The following FBF1 variants were observed in gnomAD, a reference collection of about 807,000 sequenced individuals.
FBF1 encodes Fas binding factor 1.
FBF1 carries 119 observed loss-of-function variants against 147.2 expected under a neutral mutation model. That is an observed-to-expected ratio of 0.81 (90% CI 0.70 to 0.94). The LOEUF (loss-of-function observed/expected upper bound fraction) is 0.94. Ranked by LOEUF, FBF1 falls within the 40% of genes least tolerant of loss-of-function variation. The pLI is 0.00. For synonymous variants in FBF1, 601 were observed against 609.0 expected, an observed-to-expected ratio of 0.99 and a Z score of 0.19; for missense variants, 1,449 against 1,500.8, an observed-to-expected ratio of 0.97 and a Z score of 0.57.
rs771144309 is a variant in FBF1, at chr17:75,917,691, C to T, written c.2505+41G>A. On this transcript the variant is annotated intron_variant, in intron 23 of 29. Coordinates refer to ENST00000636174, the MANE Select transcript of FBF1 (RefSeq NM_001319193.2). ...TGCGGGTGCCCTGGAGAAGAGGCCC[C>T]GTGGCAGGAGGGGCAGGAGGGCCAG... The T allele has an allele frequency of 3.0e-5, 46 of 1,520,110 alleles. No individual in the cohort carries two copies. The East Asian group carries it at 6.1e-4, about 20-fold the overall frequency. 94.2% of individuals were successfully genotyped at this position (1,520,110 alleles called of 1,614,324 possible).
At position 75,922,659 on chromosome 17, in the gene FBF1, G is replaced by A. The variant is rs1297740600; in HGVS notation, c.1424+527C>T. Among the ~76,000 whole-genome samples, 1 of 152,056 alleles carries A rather than the reference G, an allele frequency of 6.6e-6. No individual in the cohort carries two copies. The highest frequency in any genetic ancestry group is 1.5e-5 in the Non-Finnish European group (1 of 67,996). ...CTCCCCCAGCCTGCTGGCCCCTTGT[G>A]CCTTCCTGCCTTCAGAGGTCACTCG... On this transcript the variant is annotated intron_variant, in intron 14 of 29. Coordinates refer to ENST00000636174, the MANE Select transcript of FBF1 (RefSeq NM_001319193.2). The surrounding 1 kb of genome is among the most constrained non-coding windows in gnomAD (Gnocchi z 5.0).
intron 2 of FBF1, chr17:75,937,924 A>G: frequency 1.5e-6 from 1 of 654,486 alleles, no homozygotes; most frequent in Non-Finnish European, 2.7e-6. Context: ...AATACCAGTG[A>G]CAGACACTTA....
chr17:75,915,181 T>G (rs768611875), intron 23 of FBF1, 42 bp from the exon 24 acceptor site: 5 of 1,581,712 alleles, frequency 3.2e-6, no homozygotes, highest in Non-Finnish European at 4.3e-6. Context: ...GTTCCCGCCC[T>G]GAGGATCACG....
At chr17:75,927,396 C>G (rs1375642850) in intron 9 of FBF1, 59 bp downstream of exon 9, 2 of 1,479,130 alleles carry the variant, frequency 1.4e-6, no homozygotes, top group Non-Finnish European at 1.8e-6. Flanking sequence ...GCAAGCATGC[C>G]TAGGCTGCTC....
At chr17:75,935,165 C>CA (rs1808572339) in intron 4 of FBF1, among the ~76,000 whole-genome samples, 2 of 148,238 alleles carry the variant, frequency 1.3e-5, no homozygotes, top group African/African-American at 5.1e-5. Context: ...AATTACATCT[C>CA]ATTTTTTTTT....
At chr17:75,911,272 G>A (rs1405290192) in intron 29 of FBF1, among the ~76,000 whole-genome samples, 2 of 152,164 alleles carry the variant, frequency 1.3e-5, no homozygotes, top group Non-Finnish European at 2.9e-5. Flanking sequence ...AAATAAATAA[G>A]TAAAATATAA....
rs533773632 is a variant in FBF1, at chr17:75,921,929, C to T, written c.1526+16G>A. The T allele has an allele frequency of 3.6e-5, 56 of 1,547,416 alleles. No homozygotes were observed. The East Asian group carries it at 1.1e-3, about 30-fold the overall frequency. On this transcript the variant is annotated intron_variant, in intron 15 of 29. Coordinates refer to ENST00000636174, the MANE Select transcript of FBF1 (RefSeq NM_001319193.2). ...ACCATGCTCTCATTCCCACTCAGCC[C>T]GCAGCCCAGGCCTACCCCGAGACAC...
rs118146988 is a variant in FBF1, at chr17:75,910,948, C to T, written c.3364-142G>A. On this transcript the variant is annotated intron_variant, in intron 29 of 29. Coordinates refer to ENST00000636174, the MANE Select transcript of FBF1 (RefSeq NM_001319193.2). The surrounding 1 kb of genome is among the most constrained non-coding windows in gnomAD (Gnocchi z 4.1). ...GCCTGGCTCTGGGAGTCAGCAGGGG[C>T]CATGAAAGAGCCCAGGTATGGAGTG... is the stretch of plus-strand genomic sequence containing the variant. 1,376 of 672,482 alleles carry T rather than the reference C, an allele frequency of 2.0e-3. 23 individuals are homozygous for T. The Admixed American group carries it at 0.024, about 12-fold the overall frequency. 41.7% of individuals were successfully genotyped at this position (672,482 alleles called of 1,614,324 possible).
At chr17:75,929,964 C>CCCCAAGAAAAAAAA in intron 7 of FBF1, 33 bp downstream of exon 7, 1 of 1,402,202 alleles carries the variant, frequency 7.1e-7, no homozygotes, top group Non-Finnish European at 9.9e-7. Context: ...CACCCACCCC[C>CCCCAAGAAAAAAAA]AGTTCTAAGA....
In FBF1 at chr17:75,910,549, C is replaced by T. The variant is rs2065450723; in HGVS notation, c.*174G>A. 5 of 609,856 alleles carry T rather than the reference C, an allele frequency of 8.2e-6. No individual in the cohort carries two copies. The East Asian group carries it at 1.4e-4, about 17-fold the overall frequency. 37.8% of individuals were successfully genotyped at this position (609,856 alleles called of 1,614,324 possible). ...CACAGAGCCCCAGAGGCAGGGGCTGCCCCGGGCTGGCACATTTGGAAAGGA... is the reference window on the plus strand; with the variant it reads ...CACAGAGCCCCAGAGGCAGGGGCTGTCCCGGGCTGGCACATTTGGAAAGGA... On this transcript the variant is annotated 3_prime_UTR_variant, in exon 30 of 30. Coordinates refer to ENST00000636174, the MANE Select transcript of FBF1 (RefSeq NM_001319193.2). This position sits in a 1 kb window ranked among gnomAD's most constrained non-coding sequence, Gnocchi z 4.1.
chr17:75,913,309 C>T (rs1483557023), intron 28 of FBF1, among the ~76,000 whole-genome samples: 4 of 151,680 alleles, frequency 2.6e-5, no homozygotes, highest in African/African-American at 7.3e-5. Flanking sequence ...CCACCACACC[C>T]GGCTAATTTT....
chr17:75,916,156 C>A (rs2144157135), intron 23 of FBF1, among the ~76,000 whole-genome samples: 1 of 143,642 alleles, frequency 7.0e-6, no homozygotes, highest in East Asian at 2.1e-4. Flanking sequence ...CCCGTTTCTA[C>A]AAAAAATACA....
intron 17 of FBF1, among the ~76,000 whole-genome samples, chr17:75,921,020 C>T (rs1300755872): frequency 6.6e-6 from 1 of 152,194 alleles, no homozygotes; most frequent in African/African-American, 2.4e-5. Flanking sequence ...CTTAAACTCC[C>T]CACTGATGTA....
In FBF1 at chr17:75,922,206, C is replaced by T. The variant is rs2065532402; in HGVS notation, c.1425-160G>A. The T allele has an allele frequency of 3.4e-6, 2 of 591,456 alleles. No individual in the cohort carries two copies. Among genetic ancestry groups the T allele is most frequent in the South Asian group, 3.9e-5 (2 of 51,076 alleles). 36.6% of individuals were successfully genotyped at this position (591,456 alleles called of 1,614,324 possible). A position where few individuals can be genotyped will look rare whatever the true frequency, so the allele number is the denominator to read the frequency against. ...GCATTCTCCTCCCACGTCTGAGCTC[C>T]TGGGATTTCTGGGCATCTCTTCCCT... On this transcript the variant is annotated intron_variant, in intron 14 of 29. Coordinates refer to ENST00000636174, the MANE Select transcript of FBF1 (RefSeq NM_001319193.2). The surrounding 1 kb of genome is among the most constrained non-coding windows in gnomAD (Gnocchi z 5.0).
chr17:75,939,649 G>C (rs1316388593), intron 1 of FBF1, among the ~76,000 whole-genome samples: 2 of 152,120 alleles, frequency 1.3e-5, no homozygotes, highest in African/African-American at 4.8e-5. Context: ...TCCTGCGTTG[G>C]TCTTCCAAAG....
chr17:75,926,029 CCCTGTGG>C lies in FBF1; in HGVS notation c.862_868del (p.Pro288ThrfsTer149). The C allele has an allele frequency of 6.2e-7, 1 of 1,609,392 alleles. No homozygotes were observed. Among genetic ancestry groups the C allele is most frequent in the South Asian group, 1.1e-5 (1 of 90,738 alleles). ...GTTGCGGCCCCCGCAAGCCTCCTTA[CCCTGTGG>C]CCTCTGGTACTTCTTGTCTAGCTTG... On this transcript the variant is annotated frameshift_variant and splice_region_variant, in exon 12 of 30. Transcript: ENST00000636174. LOFTEE classifies it high-confidence loss of function.
rs778091202 is a variant in FBF1 at position 75,913,798 on chromosome 17, G to A, written c.3151C>T (p.Gln1051Ter). 3.7e-6 allele frequency: 6 copies of A among 1,605,422 alleles called. No homozygotes were observed. The highest frequency in any genetic ancestry group is 5.1e-6 in the Non-Finnish European group (6 of 1,178,838). Residue 1051 changes from glutamine (Q) to a stop codon, truncating the protein, a stop_gained, in exon 28 of 30, where the codon CAG becomes TAG. Coordinates refer to ENST00000636174, the MANE Select transcript of FBF1 (RefSeq NM_001319193.2). LOFTEE classifies it high-confidence loss of function. ...MHQEHLSLAQ[Q>*]RLQLDRARQD... ...CGTGCGCGGTCCAGTTGCAGCCTCT[G>A]CTGGGCCAGACTCAGATGCTCCTGT...
chr17:75,910,587 C>CT lies in FBF1; in HGVS notation c.*135dup. ...CATTTGGAAAGGATGCACTTGCACC[C>CT]TGTCCACGGAAGAGCTGTCATCAGG... is the stretch of plus-strand genomic sequence containing the variant. On this transcript the variant is annotated 3_prime_UTR_variant, in exon 30 of 30. Transcript: ENST00000636174. The surrounding 1 kb of genome is among the most constrained non-coding windows in gnomAD (Gnocchi z 4.1). The CT allele has an allele frequency of 1.3e-6, 1 of 742,370 alleles. No homozygotes were observed. Among genetic ancestry groups the CT allele is most frequent in the Non-Finnish European group, 2.2e-6 (1 of 451,314 alleles). 46.0% of individuals were successfully genotyped at this position (742,370 alleles called of 1,614,324 possible).
rs7219918 is a variant in FBF1 at position 75,923,440 on chromosome 17, C to T, written c.1170G>A (p.Val390=). ...TGGAGTGCTGGCTCGCAGGAGGAGGCACTGAGGGCGTGACAGGCACTGAAC... is the reference window on the plus strand; with the variant it reads ...TGGAGTGCTGGCTCGCAGGAGGAGGTACTGAGGGCGTGACAGGCACTGAAC... The part of the protein sequence containing the change: ...RESSVPVTPS[V]PPPASQHSTP... The change falls in exon 14 of 30, where the codon GTG becomes GTA. Residue 390 remains valine, a synonymous_variant. Transcript: ENST00000636174. The surrounding 1 kb of genome is among the most constrained non-coding windows in gnomAD (Gnocchi z 4.1). 0.047 allele frequency: 75,380 copies of T among 1,608,054 alleles called. 2,317 individuals are homozygous for T. The highest frequency in any genetic ancestry group is 0.11 in the South Asian group (9,830 of 89,786).
Sources: gnomAD v4.1 joint callset for allele counts (sites outside exome capture counted in the v4.1 genomes callset) on GRCh38, gnomAD v4.1.1 for gene constraint, Gnocchi (gnomAD v3.1) non-coding constraint, MANE v1.5 for transcripts, NCBI Gene and HGNC (gene_info 2026-07-23, HGNC 2026-07-21) for gene names.